Variants in APH1B observed in about 807,000 individuals in gnomAD.
The protein encoded by APH1B is gamma-secretase subunit APH-1B.
Under a neutral mutation model 28.2 loss-of-function variants are expected in APH1B, and 27 were observed. That is an observed-to-expected ratio of 0.96 (90% confidence interval 0.70 to 1.32). The LOEUF is 1.32. APH1B is among the 40% of genes most tolerant of loss of function. APH1B has a pLI of 0.00. For synonymous variants in APH1B, 141 were observed against 124.6 expected, an observed-to-expected ratio of 1.13 and a Z score of -0.88; for missense variants, 305 against 313.6, an observed-to-expected ratio of 0.97 and a Z score of 0.21.
chr15:63,280,692 T>C (rs765774913), intron 2 of APH1B, among the ~76,000 whole-genome samples: 27 of 152,244 alleles, frequency 1.8e-4, no homozygotes, highest in Non-Finnish European at 3.8e-4. Flanking sequence ...CCTGGAAATA[T>C]TACATGGGAA....
At chr15:63,280,148 T>C (rs975004825) in intron 2 of APH1B, among the ~76,000 whole-genome samples, 1 of 152,356 alleles carries the variant, frequency 6.6e-6, no homozygotes, top group African/African-American at 2.4e-5. Context: ...TTGACTTTAG[T>C]AGGGGAAAAC....
intron 4 of APH1B, among the ~76,000 whole-genome samples, chr15:63,298,732 T>C (rs977175418): frequency 2.0e-5 from 3 of 152,106 alleles, no homozygotes; most frequent in Non-Finnish European, 2.9e-5. Flanking sequence ...TGTGGTATTA[T>C]CCCCATTTTA....
At position 63,304,493 on chromosome 15, in the gene APH1B, G is replaced by A. The variant is rs1220445858; in HGVS notation, c.607-1121G>A. On this transcript the variant is annotated intron_variant, in intron 5 of 5. Transcript: ENST00000261879. This position sits in a 1 kb window ranked among gnomAD's most constrained non-coding sequence, Gnocchi z 5.1. ...TTTTCTGTAAAAGAAAAAATCTTTT[G>A]TCAGATGTATGTATTGCAGATAACT... 6.6e-6 allele frequency among the ~76,000 whole-genome samples: 1 copy of A among 152,056 alleles called. No homozygotes were observed. The highest frequency in any genetic ancestry group is 2.4e-5 in the African/African-American group (1 of 41,394).
intron 2 of APH1B, among the ~76,000 whole-genome samples, chr15:63,280,946 C>T (rs925819381): frequency 3.3e-5 from 5 of 152,060 alleles, no homozygotes; most frequent in African/African-American, 7.3e-5. Context: ...CTGAGGATTT[C>T]GAGACTAGCC....
intron 2 of APH1B, among the ~76,000 whole-genome samples, chr15:63,281,255 C>G (rs2038383483): frequency 6.6e-6 from 1 of 152,110 alleles, no homozygotes; most frequent in Non-Finnish European, 1.5e-5. Context: ...AATGAACAGT[C>G]CTCATTTCTT....
In APH1B at chr15:63,307,661, A is replaced by G. The variant is rs1474208840; in HGVS notation, c.*1880A>G. On this transcript the variant is annotated 3_prime_UTR_variant, in exon 6 of 6. Transcript: ENST00000261879. ...TCTTCTTTGAATAAGAAAAATACATAGTTGGTTATTATGGACTTAAAACTG... is the reference window on the plus strand; with the variant it reads ...TCTTCTTTGAATAAGAAAAATACATGGTTGGTTATTATGGACTTAAAACTG... 3 of 152,242 alleles carry G rather than the reference A, an allele frequency of 2.0e-5. No individual in the cohort carries two copies. The highest frequency in any genetic ancestry group is 6.5e-5 in the Admixed American group (1 of 15,288). 9.4% of individuals were successfully genotyped at this position (152,242 alleles called of 1,614,324 possible). A position where few individuals can be genotyped will look rare whatever the true frequency, so the allele number is the denominator to read the frequency against.
In APH1B at chr15:63,305,719, C is replaced by G. The variant is rs200136142; in HGVS notation, c.712C>G (p.Leu238Val). The change falls in exon 6 of 6, where the codon CTG becomes GTG. Residue 238 changes from leucine to valine, a missense_variant. Transcript: ENST00000261879. Reference protein sequence around the residue: ...FLAAGGSCRSLKLCLLCQDKN... With the variant: ...FLAAGGSCRSVKLCLLCQDKN... The stretch of plus-strand genomic sequence containing the variant: ...AGCTGCGGGAGGCAGCTGCCGAAGC[C>G]TGAAACTCTGCCTGCTCTGCCAAGA... 1.2e-6 allele frequency: 2 copies of G among 1,614,222 alleles called. No individual in the cohort carries two copies. Among genetic ancestry groups the G allele is most frequent in the Non-Finnish European group, 1.7e-6 (2 of 1,180,050 alleles).
intron 2 of APH1B, among the ~76,000 whole-genome samples, chr15:63,281,534 G>GAAAAAAAAAAAAAAAAA (rs58991721): frequency 8.7e-6 from 1 of 115,378 alleles, no homozygotes; most frequent in African/African-American, 3.0e-5. Context: ...GTCTAATTTT[G>GAAAAAAAAAAAAAAAAA]AAAAAAAAAA....
In APH1B at chr15:63,307,618, A is replaced by G. The variant is rs1434806301; in HGVS notation, c.*1837A>G. ...ATAGGATACTCATCAAACTGGGATT[A>G]TTCTTATCAAAACATGGTCTTCTTT... On this transcript the variant is annotated 3_prime_UTR_variant, in exon 6 of 6. Coordinates refer to ENST00000261879, the MANE Select transcript of APH1B (RefSeq NM_031301.4). 1.3e-5 allele frequency: 2 copies of G among 152,226 alleles called. No homozygotes were observed. The highest frequency in any genetic ancestry group is 2.9e-5 in the Non-Finnish European group (2 of 68,034). The allele number at this position is 152,226 out of a possible 1,614,324, so 9.4% of individuals were successfully genotyped here.
At position 63,277,781 on chromosome 15, in the gene APH1B, C is replaced by T. The variant is rs761414426; in HGVS notation, c.113+45C>T. ...AAACCCGGACGCCGGGGCTCCCCTC[C>T]CCCGCTGGGGTTACCCGCGACCCTC... is the stretch of plus-strand genomic sequence containing the variant. On this transcript the variant is annotated intron_variant, in intron 1 of 5. Transcript: ENST00000261879. 16 of 1,574,698 alleles carry T rather than the reference C, an allele frequency of 1.0e-5. No individual in the cohort carries two copies. In the South Asian group the frequency reaches 1.5e-4, roughly 14 times the overall value.
intron 4 of APH1B, among the ~76,000 whole-genome samples, chr15:63,290,231 C>T (rs1369468166): frequency 1.3e-5 from 2 of 152,134 alleles, no homozygotes; most frequent in Non-Finnish European, 2.9e-5. Context: ...ATGTTACAAA[C>T]AGGCATAGTT....
chr15:63,282,317 T>C (rs1471595752), intron 2 of APH1B, among the ~76,000 whole-genome samples: 1 of 152,182 alleles, frequency 6.6e-6, no homozygotes, highest in Non-Finnish European at 1.5e-5. Flanking sequence ...AAGATTAAAA[T>C]GTGGAGAGTT....
Position 63,279,239 on chromosome 15 carries a change from T to C in APH1B, c.192T>C (p.Asp64=). The C allele has an allele frequency of 6.2e-7, 1 of 1,613,500 alleles. No homozygotes were observed. The highest frequency in any genetic ancestry group is 8.5e-7 in the Non-Finnish European group (1 of 1,179,504). ...CAAGAGTCATTATTGACAACAAAGA[T>C]GGACCAACACAGAAATATCTGCTGA... ...FMARVIIDNK[D]GPTQKYLLIF... Residue 64 remains aspartate, a synonymous_variant, in exon 2 of 6, where the codon GAT becomes GAC. Transcript: ENST00000261879.
At chr15:63,299,937 C>T (rs1459101616) in intron 4 of APH1B, among the ~76,000 whole-genome samples, 5 of 151,658 alleles carry the variant, frequency 3.3e-5, no homozygotes, top group Non-Finnish European at 5.9e-5. Context: ...AGGTGTGGGG[C>T]GGGAAAGGAA....
chr15:63,304,324 T>C lies in APH1B; in HGVS notation c.607-1290T>C, dbSNP rs1175687316. Among the ~76,000 whole-genome samples the C allele has an allele frequency of 1.3e-5, 2 of 152,190 alleles. No individual in the cohort carries two copies. The highest frequency in any genetic ancestry group is 4.8e-5 in the African/African-American group (2 of 41,452). On this transcript the variant is annotated intron_variant, in intron 5 of 5. Transcript: ENST00000261879. The surrounding 1 kb of genome is among the most constrained non-coding windows in gnomAD (Gnocchi z 5.1). Reference sequence around the variant, plus strand: ...GAGAATGTTTTGATTTTCATCTAGGTGCTAGTTACACAGGTGTGTTCATGC... The same window carrying C: ...GAGAATGTTTTGATTTTCATCTAGGCGCTAGTTACACAGGTGTGTTCATGC...
At chr15:63,298,947 G>A (rs990301913) in intron 4 of APH1B, among the ~76,000 whole-genome samples, 15 of 152,024 alleles carry the variant, frequency 9.9e-5, no homozygotes, top group Admixed American at 2.0e-4. Context: ...AATTTACGGA[G>A]GAGAGGTGGC....
intron 2 of APH1B, among the ~76,000 whole-genome samples, chr15:63,286,024 G>A (rs1439226985): frequency 6.6e-6 from 1 of 152,210 alleles, no homozygotes; most frequent in Non-Finnish European, 1.5e-5. Context: ...CCATTGGTAG[G>A]CAGCTTCTTT....
Position 63,277,715 on chromosome 15 carries a change from G to A in APH1B, c.92G>A (p.Arg31His). 1 of 1,610,890 alleles carries A rather than the reference G, an allele frequency of 6.2e-7. No individual in the cohort carries two copies. The highest frequency in any genetic ancestry group is 8.5e-7 in the Non-Finnish European group (1 of 1,178,614). The change falls in exon 1 of 6, where the codon CGT becomes CAT. Residue 31 changes from arginine (R) to histidine (H), a missense_variant. Coordinates refer to ENST00000261879, the MANE Select transcript of APH1B (RefSeq NM_031301.4). ...TTCACCATCGCCACCGAGCCGTTGC[G>A]TATCATCTTCCTCATCGCCGGGTGA... ...YVFTIATEPLRIIFLIAGAFF... is the reference protein window; with the variant it reads ...YVFTIATEPLHIIFLIAGAFF...
chr15:63,278,050 C>T, intron 1 of APH1B: 1 of 403,674 alleles, frequency 2.5e-6, no homozygotes. Flanking sequence ...GAGGGGGAGT[C>T]CCTAATTTCC....
Sources: allele counts gnomAD v4.1 joint callset (sites outside exome capture counted in the v4.1 genomes callset), GRCh38; gene constraint gnomAD v4.1.1; non-coding constraint Gnocchi (gnomAD v3.1); transcripts MANE v1.5; gene names NCBI Gene and HGNC (gene_info 2026-07-23, HGNC 2026-07-21).